The following ARSG variants were observed in gnomAD, a reference collection of about 807,000 sequenced individuals.
The protein encoded by ARSG is ASG.
Under a neutral mutation model 50.5 loss-of-function variants are expected in ARSG, and 37 were observed. The observed-to-expected ratio is 0.73, with a 90% CI of 0.56 to 0.96. The LOEUF (loss-of-function observed/expected upper bound fraction) is 0.96. ARSG is among the 50% of genes least tolerant of loss of function. The pLI, the probability that ARSG is intolerant of heterozygous loss-of-function variation, is 0.00. For synonymous variants in ARSG, 225 were observed against 254.6 expected (o/e 0.88, Z 1.11); for missense variants, 629 against 675.3 (o/e 0.93, Z 0.76).
chr17:68,319,150 G>T (rs1555769688), intron 2 of ARSG, among the ~76,000 whole-genome samples: 2 of 152,116 alleles, frequency 1.3e-5, no homozygotes, highest in Non-Finnish European at 2.9e-5. Context: ...GGGAGAGCAG[G>T]CCGCTTCCTC....
At chr17:68,446,056 A>C in the ARSG span, among the ~76,000 whole-genome samples, 1 of 152,202 alleles carries the variant, frequency 6.6e-6, no homozygotes, top group Non-Finnish European at 1.5e-5. Flanking sequence ...AATACCACAC[A>C]AAAGAGGCAG....
At chr17:68,305,904 C>T (rs962479337) in intron 1 of ARSG, among the ~76,000 whole-genome samples, 4 of 151,910 alleles carry the variant, frequency 2.6e-5, no homozygotes, top group Admixed American at 1.3e-4. Context: ...GGTGAAACCC[C>T]GTTTCTACCA....
chr17:68,324,486 C>T (rs1331230536), intron 2 of ARSG, among the ~76,000 whole-genome samples: 1 of 152,172 alleles, frequency 6.6e-6, no homozygotes, highest in Non-Finnish European at 1.5e-5. Flanking sequence ...ACAACCTTCC[C>T]TCGCGTGGCT....
chr17:68,341,312 T>C (rs2078259117), intron 2 of ARSG, among the ~76,000 whole-genome samples: 1 of 152,228 alleles, frequency 6.6e-6, no homozygotes, highest in African/African-American at 2.4e-5. Flanking sequence ...AATTCTACTT[T>C]TTGGCCATGT....
At chr17:68,393,757 C>T (rs1568569129) in intron 9 of ARSG, among the ~76,000 whole-genome samples, 1 of 151,124 alleles carries the variant, frequency 6.6e-6, no homozygotes, top group Non-Finnish European at 1.5e-5. Context: ...GACCCAACTA[C>T]TTAGGAGGCT....
the ARSG span, among the ~76,000 whole-genome samples, chr17:68,443,197 G>A: frequency 6.6e-6 from 1 of 152,058 alleles, no homozygotes. Context: ...TGAAGCCTCC[G>A]CCTCCTGGGT....
At chr17:68,390,927 CTT>C (rs34688174) in intron 9 of ARSG, among the ~76,000 whole-genome samples, 27 of 141,204 alleles carry the variant, frequency 1.9e-4, no homozygotes, top group Non-Finnish European at 2.0e-4. Context: ...GTGCCCGGTC[CTT>C]TTTTTTTTTT....
intron 2 of ARSG, among the ~76,000 whole-genome samples, chr17:68,325,731 A>G (rs2077478738): frequency 6.6e-6 from 1 of 152,166 alleles, no homozygotes; most frequent in Admixed American, 6.5e-5. Context: ...AAGTTCCTCC[A>G]TGTGATAGTC....
Position 68,273,975 on chromosome 17 carries a change from A to C in ARSG, c.-552+14549A>C, listed in dbSNP as rs782062052. 4.3e-6 allele frequency: 7 copies of C among 1,614,070 alleles called. 1 individual carries two copies. The African/African-American group carries it at 8.0e-5, about 18-fold the overall frequency. Reference sequence around the variant, plus strand: ...TACATATGAGAAACCTCTTGTGAGAAGGAGGCGGCCACCATCCCGGTGCTG... The same window carrying C: ...TACATATGAGAAACCTCTTGTGAGACGGAGGCGGCCACCATCCCGGTGCTG... On this transcript the variant is annotated intron_variant, in intron 1 of 11. Transcript: ENST00000448504.
chr17:68,331,225 CTTTCTTTG>C (rs1298355526), intron 2 of ARSG, among the ~76,000 whole-genome samples: 1,669 of 27,444 alleles, frequency 0.061, 67 homozygotes, highest in East Asian at 0.12. Flanking sequence ...TTCTTTCTTT[CTTTCTTTG>C]TTTCTTTCTT....
chr17:68,365,819 C>T (rs1438933208), intron 6 of ARSG, among the ~76,000 whole-genome samples: 1 of 152,130 alleles, frequency 6.6e-6, no homozygotes, highest in Non-Finnish European at 1.5e-5. Context: ...GTGTTATTTC[C>T]ACCACACAGA....
intron 3 of ARSG, 130 bp from the exon 4 acceptor site, chr17:68,346,995 G>T: frequency 8.4e-6 from 13 of 1,548,616 alleles, no homozygotes; most frequent in Non-Finnish European, 1.1e-5. Context: ...ACACCACATT[G>T]CAGCTTCTTT....
chr17:68,365,764 AC>A (rs2079516221), intron 6 of ARSG, among the ~76,000 whole-genome samples: 1 of 152,116 alleles, frequency 6.6e-6, no homozygotes, highest in Non-Finnish European at 1.5e-5. Flanking sequence ...TGGAGATGTC[AC>A]CGAATATGGC....
intron 8 of ARSG, among the ~76,000 whole-genome samples, chr17:68,374,627 A>G (rs908078973): frequency 2.0e-5 from 3 of 152,066 alleles, no homozygotes; most frequent in African/African-American, 7.2e-5. Context: ...TGAGGCAAGA[A>G]GATAGCTTGA....
intron 11 of ARSG, among the ~76,000 whole-genome samples, chr17:68,401,906 G>C (rs999183665): frequency 3.9e-5 from 6 of 152,200 alleles, no homozygotes; most frequent in African/African-American, 1.4e-4. Flanking sequence ...TCTCTTAGAT[G>C]TATACTTTAG....
chr17:68,312,283 C>A (rs1324187216), intron 2 of ARSG, among the ~76,000 whole-genome samples: 1 of 152,122 alleles, frequency 6.6e-6, no homozygotes, highest in Non-Finnish European at 1.5e-5. Flanking sequence ...AATATTTGTT[C>A]ATCAATAAAT....
At chr17:68,433,780 T>TTTTTGTTTG in the ARSG span, among the ~76,000 whole-genome samples, 1 of 126,016 alleles carries the variant, frequency 7.9e-6, no homozygotes, top group African/African-American at 3.2e-5. Flanking sequence ...TTTTTTTTTT[T>TTTTTGTTTG]TTTTTTTTTT....
the ARSG span, among the ~76,000 whole-genome samples, chr17:68,438,880 G>A: frequency 6.6e-6 from 1 of 152,222 alleles, no homozygotes; most frequent in African/African-American, 2.4e-5. Flanking sequence ...GATTACAGGC[G>A]TGAGCCATCG....
intron 1 of ARSG, among the ~76,000 whole-genome samples, chr17:68,265,648 C>T (rs568547377): frequency 2.6e-4 from 39 of 151,214 alleles, no homozygotes; most frequent in African/African-American, 8.7e-4. Flanking sequence ...TGACCTGTGC[C>T]GGTGTTACAG....
Sources: allele counts gnomAD v4.1 joint callset (sites outside exome capture counted in the v4.1 genomes callset), GRCh38; gene constraint gnomAD v4.1.1; transcripts MANE v1.5; gene names NCBI Gene and HGNC (gene_info 2026-07-23, HGNC 2026-07-21).